Variants in GPC3 observed in about 807,000 individuals in gnomAD.
The protein encoded by GPC3 is glypican-3.
In GPC3, 3 loss-of-function variants were observed where a neutral mutation model predicts 34.4. The observed-to-expected ratio is 0.09, with a 90% CI of 0.04 to 0.23. GPC3 has a LOEUF of 0.23. Ranked by LOEUF, GPC3 falls within the 10% of genes least tolerant of loss-of-function variation. The pLI is 1.00. For synonymous variants in GPC3, 177 were observed against 174.0 expected, an observed-to-expected ratio of 1.02 and a Z score of -0.13; for missense variants, 351 against 445.6, an observed-to-expected ratio of 0.79 and a Z score of 1.91.
intron 6 of GPC3, among the ~76,000 whole-genome samples, chrX:133,633,406 C>G (rs1459692094): frequency 8.9e-6 from 1 of 112,097 alleles, no homozygotes; most frequent in Non-Finnish European, 1.9e-5. Flanking sequence ...AAGCCATTTA[C>G]TCAGGTATGG....
chrX:133,766,125 C>T (rs2071841978), intron 2 of GPC3, among the ~76,000 whole-genome samples: 1 of 111,605 alleles, frequency 9.0e-6, no homozygotes, highest in Admixed American at 9.5e-5. Flanking sequence ...AAGATGTGTC[C>T]AATACAAATT....
Position 133,536,026 on chromosome X carries a change from C to CAAA in GPC3, c.*95_*97dup. The CAAA allele has an allele frequency of 1.6e-5, 9 of 551,666 alleles. No homozygotes were observed. Among genetic ancestry groups the CAAA allele is most frequent in the South Asian group, 5.8e-5 (2 of 34,350 alleles). The allele number at this position is 551,666 out of a possible 1,213,427, so 45.5% of individuals were successfully genotyped here. A position where few individuals can be genotyped will look rare whatever the true frequency, so the allele number is the denominator to read the frequency against. On this transcript the variant is annotated 3_prime_UTR_variant, in exon 8 of 8. Transcript: ENST00000370818. ...TGGCTGGAGGAGGTATACAGGATAACAAAAAAAAAAAAATAGAAAAAAATA... is the reference window on the plus strand; with the variant it reads ...TGGCTGGAGGAGGTATACAGGATAACAAAAAAAAAAAAAAAATAGAAAAAAATA...
chrX:133,539,329 T>C (rs1380353578), intron 7 of GPC3, among the ~76,000 whole-genome samples: 1 of 111,514 alleles, frequency 9.0e-6, no homozygotes, highest in Non-Finnish European at 1.9e-5. Flanking sequence ...AAAAATTCTA[T>C]ATACCAAATA....
At chrX:133,707,037 A>G (rs1489129522) in intron 3 of GPC3, among the ~76,000 whole-genome samples, 1 of 112,164 alleles carries the variant, frequency 8.9e-6, no homozygotes, top group Non-Finnish European at 1.9e-5. Flanking sequence ...ACAAGCATGA[A>G]ATATTGCCCC....
At chrX:133,874,071 C>CA (rs1034022496) in intron 2 of GPC3, among the ~76,000 whole-genome samples, 13 of 110,431 alleles carry the variant, frequency 1.2e-4, no homozygotes, top group South Asian at 3.8e-4. Context: ...CAACTTGCAC[C>CA]AAAAAAAATC....
intron 3 of GPC3, among the ~76,000 whole-genome samples, chrX:133,703,605 T>C (rs1246474954): frequency 9.1e-6 from 1 of 110,121 alleles, no homozygotes; most frequent in Admixed American, 9.7e-5. Flanking sequence ...GGACTACAGG[T>C]GCCCACTACC....
chrX:133,753,613 G>A lies in GPC3; in HGVS notation c.901C>T (p.Leu301=). ...CCATTCACAAGTTCTTCAAGGGACAGAATGTATTCTCTCCAGTACTTGTCA... is the reference window on the plus strand; with the variant it reads ...CCATTCACAAGTTCTTCAAGGGACAAAATGTATTCTCTCCAGTACTTGTCA... The part of the protein sequence containing the change: ...EIDKYWREYI[L]SLEELVNGMY... The change falls in exon 3 of 8, where the codon CTG becomes TTG. Residue 301 remains leucine, a synonymous_variant. Transcript: ENST00000370818. The A allele has an allele frequency of 8.3e-7, 1 of 1,209,782 alleles. No individual in the cohort carries two copies.
In GPC3 at chrX:133,893,700, G is replaced by A. The variant is rs778416227; in HGVS notation, c.337+59350C>T. 1.2e-4 allele frequency among the ~76,000 whole-genome samples: 13 copies of A among 111,559 alleles called. No individual in the cohort carries two copies. The South Asian group carries it at 4.2e-3, about 36-fold the overall frequency. On this transcript the variant is annotated intron_variant, in intron 2 of 7. Transcript: ENST00000370818. ...GAGGATCCTGTGAAGGACACACACC[G>A]TCTAATCATGTCAGACGATGTAAGT... is the stretch of plus-strand genomic sequence containing the variant.
At chrX:133,802,914 CTTTTTTTT>C (rs751359373) in intron 2 of GPC3, among the ~76,000 whole-genome samples, 1 of 68,553 alleles carries the variant, frequency 1.5e-5, no homozygotes, top group Non-Finnish European at 2.7e-5. Context: ...GGAAGGTATT[CTTTTTTTT>C]TTTTTTTTTT....
At chrX:133,615,869 T>A (rs1195364306) in intron 6 of GPC3, among the ~76,000 whole-genome samples, 1 of 111,291 alleles carries the variant, frequency 9.0e-6, no homozygotes, top group African/African-American at 3.3e-5. Context: ...TTTTGTGATT[T>A]AAAAAAACTC....
intron 5 of GPC3, among the ~76,000 whole-genome samples, chrX:133,677,305 C>G (rs992190715): frequency 3.6e-5 from 4 of 111,554 alleles, no homozygotes; most frequent in African/African-American, 1.3e-4. Flanking sequence ...GAATCACTTT[C>G]ACTTTGGTCT....
intron 2 of GPC3, among the ~76,000 whole-genome samples, chrX:133,761,485 C>A (rs995400271): frequency 2.7e-5 from 3 of 111,981 alleles, no homozygotes; most frequent in African/African-American, 9.7e-5. Flanking sequence ...AAATTTCACA[C>A]ACTAGGCTTC....
chrX:133,962,782 C>T (rs1455098790), intron 1 of GPC3, among the ~76,000 whole-genome samples: 1 of 111,794 alleles, frequency 8.9e-6, no homozygotes, highest in African/African-American at 3.3e-5. Flanking sequence ...AATACGCAGA[C>T]CTGAGGCAGA....
intron 2 of GPC3, among the ~76,000 whole-genome samples, chrX:133,857,021 G>A (rs1250587298): frequency 9.2e-6 from 1 of 109,042 alleles, no homozygotes; most frequent in Non-Finnish European, 1.9e-5. Context: ...ACAGCAAGTG[G>A]TAATGGGTAT....
intron 2 of GPC3, among the ~76,000 whole-genome samples, chrX:133,892,422 T>C (rs2076092057): frequency 9.0e-6 from 1 of 110,788 alleles, no homozygotes; most frequent in South Asian, 3.9e-4. Context: ...AAAAGACCCA[T>C]CATTGCTCAG....
In GPC3 at chrX:133,753,737, C is replaced by T. The variant is rs757987584; in HGVS notation, c.777G>A (p.Met259Ile). The change falls in exon 3 of 8, where the codon ATG becomes ATA. Residue 259 changes from methionine to isoleucine, a missense_variant. Met to Ile is a conservative substitution (Grantham distance 10). Coordinates refer to ENST00000370818, the MANE Select transcript of GPC3 (RefSeq NM_004484.4). ...GTCCCTGGCAGTAAGAGCAGTACCACATTCTGGTGAGCATTCGGCCACAGT... is the reference window on the plus strand; with the variant it reads ...GTCCCTGGCAGTAAGAGCAGTACCATATTCTGGTGAGCATTCGGCCACAGT... ...SKDCGRMLTR[M>I]WYCSYCQGLM... 1 of 1,211,501 alleles carries T rather than the reference C, an allele frequency of 8.3e-7. No homozygotes were observed. Among genetic ancestry groups the T allele is most frequent in the Admixed American group, 2.2e-5 (1 of 46,053 alleles).
Position 133,953,718 on chromosome X carries a change from G to C in GPC3, c.176-507C>G, listed in dbSNP as rs190611892. ...AACATCAATATCATATCAAAGCTGT[G>C]TTGTTGTTTTAACTAAAGGTCTGAA... is the stretch of plus-strand genomic sequence containing the variant. On this transcript the variant is annotated intron_variant, in intron 1 of 7. Transcript: ENST00000370818. Among the ~76,000 whole-genome samples the C allele has an allele frequency of 1.5e-3, 171 of 111,896 alleles. 1 individual carries two copies. Among genetic ancestry groups the C allele is most frequent in the African/African-American group, 4.9e-3 (150 of 30,799 alleles).
chrX:133,584,847 A>G (rs2069770148), intron 7 of GPC3, among the ~76,000 whole-genome samples: 1 of 109,680 alleles, frequency 9.1e-6, no homozygotes, highest in South Asian at 4.1e-4. Context: ...TACAAATTAA[A>G]AGATTCTGTC....
intron 2 of GPC3, among the ~76,000 whole-genome samples, chrX:133,829,325 G>A (rs910757253): frequency 8.9e-6 from 1 of 112,243 alleles, no homozygotes; most frequent in Non-Finnish European, 1.9e-5. Context: ...ATGAAGAAAA[G>A]TTGGCAGAAT....
Sources: allele counts gnomAD v4.1 joint callset (sites outside exome capture counted in the v4.1 genomes callset), GRCh38; gene constraint gnomAD v4.1.1; transcripts MANE v1.5; gene names NCBI Gene and HGNC (gene_info 2026-07-23, HGNC 2026-07-21).